RIF1: variants seen among roughly 807,000 people sequenced by gnomAD.
RIF1 encodes replication timing regulatory factor 1, also known as telomere-associated protein RIF1.
A neutral mutation model predicts 247.1 loss-of-function variants in RIF1; 45 were observed. The observed-to-expected ratio is 0.18, with a 90% confidence interval of 0.14 to 0.23. The LOEUF is 0.23. Ranked by LOEUF, RIF1 falls within the 10% of genes least tolerant of loss-of-function variation. The pLI, the probability that RIF1 is intolerant of heterozygous loss-of-function variation, is 1.00. For synonymous variants in RIF1, 1,087 were observed against 978.8 expected (o/e 1.11, Z -2.06); for missense variants, 2,967 against 2,862.5 (o/e 1.04, Z -0.83).
the RIF1 span, chr2:151,529,462 C>G: frequency 1.6e-6 from 1 of 627,880 alleles, no homozygotes; most frequent in South Asian, 1.9e-5. Flanking sequence ...AGCAAGGATA[C>G]AGCCATGCAG....
At chr2:151,447,928 G>A (rs988701150) in intron 20 of RIF1, among the ~76,000 whole-genome samples, 2 of 152,064 alleles carry the variant, frequency 1.3e-5, no homozygotes, top group East Asian at 1.9e-4. Context: ...CACAGAAACC[G>A]TTGTTTTTCC....
chr2:151,480,541 C>T lies in RIF1; in HGVS notation c.*5470C>T, dbSNP rs553653718. ...ATAGCACAGTATTATAATTGATGTT[C>T]ATAAATACCCTGAGAGATTATGTTA... On this transcript the variant is annotated 3_prime_UTR_variant, in exon 36 of 36. Transcript: ENST00000444746. The T allele has an allele frequency of 5.3e-5, 8 of 152,232 alleles. No homozygotes were observed. Among genetic ancestry groups the T allele is most frequent in the African/African-American group, 1.9e-4 (8 of 41,540 alleles). The allele number at this position is 152,232 out of a possible 1,614,324, so 9.4% of individuals were successfully genotyped here.
chr2:151,525,867 A>T, the RIF1 span: 1 of 967,828 alleles, frequency 1.0e-6, no homozygotes, highest in Non-Finnish European at 1.7e-6. Context: ...GAAGCTACAT[A>T]AAGGAAGCAA....
intron 6 of RIF1, among the ~76,000 whole-genome samples, chr2:151,419,756 T>C (rs1291625966): frequency 6.6e-6 from 1 of 152,252 alleles, no homozygotes; most frequent in African/African-American, 2.4e-5. Context: ...TGTATTGCAC[T>C]GCAGTGTTAC....
At chr2:151,521,578 A>G in the RIF1 span, among the ~76,000 whole-genome samples, 1 of 152,220 alleles carries the variant, frequency 6.6e-6, no homozygotes, top group Non-Finnish European at 1.5e-5. Flanking sequence ...AGGGAAGAAA[A>G]GAAGCAAAAG....
At chr2:151,451,317 G>T (rs1233135428) in intron 20 of RIF1, among the ~76,000 whole-genome samples, 1 of 152,154 alleles carries the variant, frequency 6.6e-6, no homozygotes, top group East Asian at 1.9e-4. Flanking sequence ...CCTAGGCTAT[G>T]TGTTTGTAGC....
chr2:151,504,035 A>G (rs182828710), intron 12 of RIF1, among the ~76,000 whole-genome samples: 1 of 152,270 alleles, frequency 6.6e-6, no homozygotes, highest in African/African-American at 2.4e-5. Context: ...CTGAATTGGG[A>G]GAAGTCCATA....
rs1478381483 is a variant in RIF1 at position 151,428,802 on chromosome 2, A to G, written c.805A>G (p.Ser269Gly). 2.5e-6 allele frequency: 4 copies of G among 1,604,294 alleles called. 1 individual carries two copies. The East Asian group carries it at 8.9e-5, about 36-fold the overall frequency. Reference protein sequence around the residue: ...LLGRTLHRSGSFINSLLQLEE... With the variant: ...LLGRTLHRSGGFINSLLQLEE... ...TTTTTAGACCTTGCATCGAAGTGGG[A>G]GTTTCATCAATTCTCTCTTGCAACT... The change falls in exon 9 of 36, where the codon AGT becomes GGT. Residue 269 changes from serine (S) to glycine (G), a missense_variant. By Grantham distance (56) the Ser-to-Gly change is moderately conservative. Transcript: ENST00000444746.
At chr2:151,506,041 A>C in intron 12 of RIF1, 1 of 838,400 alleles carries the variant, frequency 1.2e-6, no homozygotes, top group Non-Finnish European at 2.1e-6. Context: ...GTGGTGGTAC[A>C]CAGGCACCTA....
the RIF1 span, chr2:151,514,170 G>T: frequency 1.6e-6 from 1 of 631,568 alleles, no homozygotes; most frequent in Non-Finnish European, 2.8e-6. Flanking sequence ...TTATGTAATG[G>T]TTAACAATTA....
Position 151,479,559 on chromosome 2 carries a change from C to G in RIF1, c.*4488C>G, listed in dbSNP as rs2049081681. ...AATCTGGCAGTTAAATTTAGTAGTGCTATAATGAATAAGTCAGTCTAGCAG... is the reference window on the plus strand; with the variant it reads ...AATCTGGCAGTTAAATTTAGTAGTGGTATAATGAATAAGTCAGTCTAGCAG... On this transcript the variant is annotated 3_prime_UTR_variant, in exon 36 of 36. Coordinates refer to ENST00000444746, the MANE Select transcript of RIF1 (RefSeq NM_018151.5). The G allele has an allele frequency of 6.6e-6, 1 of 152,068 alleles. No homozygotes were observed. Among genetic ancestry groups the G allele is most frequent in the African/African-American group, 2.4e-5 (1 of 41,396 alleles). 9.4% of individuals were successfully genotyped at this position (152,068 alleles called of 1,614,324 possible).
the RIF1 span, among the ~76,000 whole-genome samples, chr2:151,527,837 ATCTC>A: frequency 6.6e-6 from 1 of 152,164 alleles, no homozygotes; most frequent in Non-Finnish European, 1.5e-5. Flanking sequence ...TGATTCTTCA[ATCTC>A]TCTAGTTCTG....
chr2:151,499,183 A>G, intron 10 of RIF1: 1 of 555,966 alleles, frequency 1.8e-6, no homozygotes, highest in East Asian at 3.2e-5. Context: ...TTAAGTTGGG[A>G]AAAAGACAGG....
At chr2:151,460,723 A>G (rs1010331690) in intron 26 of RIF1, among the ~76,000 whole-genome samples, 1 of 152,240 alleles carries the variant, frequency 6.6e-6, no homozygotes, top group Non-Finnish European at 1.5e-5. Context: ...CAATGGTTCC[A>G]ATGAACATTT....
At chr2:151,419,698 A>G (rs1687848543) in intron 6 of RIF1, among the ~76,000 whole-genome samples, 1 of 152,176 alleles carries the variant, frequency 6.6e-6, no homozygotes, top group African/African-American at 2.4e-5. Flanking sequence ...TATATGAATG[A>G]GAGCGCAGTA....
At chr2:151,514,792 G>A in the RIF1 span, 3 of 1,448,352 alleles carry the variant, frequency 2.1e-6, no homozygotes, top group African/African-American at 2.8e-5. Flanking sequence ...GATTAAGAGG[G>A]AAAGAAAAGA....
intron 26 of RIF1, 58 bp from the exon 27 acceptor site, chr2:151,461,077 AAAT>A: frequency 6.8e-7 from 1 of 1,474,312 alleles, no homozygotes; most frequent in South Asian, 1.2e-5. Flanking sequence ...AGAGTGATAG[AAAT>A]ATTGGAAAAT....
chr2:151,436,777 A>G (rs1468059380), intron 11 of RIF1, 50 bp from the exon 12 acceptor site: 25 of 1,318,618 alleles, frequency 1.9e-5, no homozygotes, highest in Non-Finnish European at 2.2e-5. Context: ...TTGGGTAGCT[A>G]ATATAAAATG....
chr2:151,467,735 T>C (rs951330955), intron 30 of RIF1, among the ~76,000 whole-genome samples: 2 of 152,186 alleles, frequency 1.3e-5, no homozygotes, highest in African/African-American at 4.8e-5. Flanking sequence ...CACATCTGGC[T>C]TCGTTAAGTT....
Sources: gnomAD v4.1 joint callset for allele counts (sites outside exome capture counted in the v4.1 genomes callset) on GRCh38, gnomAD v4.1.1 for gene constraint, MANE v1.5 for transcripts, NCBI Gene and HGNC (gene_info 2026-07-23, HGNC 2026-07-21) for gene names.